The following GPI variants were observed in gnomAD, a reference collection of about 807,000 sequenced individuals.
GPI encodes the protein glucose-6-phosphate isomerase.
In GPI, 56 loss-of-function variants were observed where a neutral mutation model predicts 75.8. The ratio of observed to expected loss-of-function variants is 0.74; its 90% CI spans 0.60 to 0.92. The LOEUF is 0.92. Among genes scored for constraint, GPI ranks in the 40% least tolerant of loss-of-function variants. The pLI, the probability that GPI is intolerant of heterozygous loss-of-function variation, is 0.00. For synonymous variants in GPI, 288 were observed against 285.4 expected (o/e 1.01, Z -0.09); for missense variants, 638 against 741.0 (o/e 0.86, Z 1.61).
rs199888347 is a variant in GPI at position 34,379,502 on chromosome 19, G to A, written c.706-16G>A. ...TCCCTGGGCTGGCTGTGGTAACTTG[G>A]CTCTGTCTCTTGTAGCCTTCTGCAG... is the stretch of plus-strand genomic sequence containing the variant. On this transcript the variant is annotated splice_polypyrimidine_tract_variant and intron_variant, in intron 7 of 17. Transcript: ENST00000356487. 17 of 1,613,576 alleles carry A rather than the reference G, an allele frequency of 1.1e-5. No homozygotes were observed. In the African/African-American group the frequency reaches 1.9e-4, roughly 18 times the overall value.
chr19:34,364,792 G>C, upstream of GPI: 3 of 468,900 alleles, frequency 6.4e-6, no homozygotes, highest in Non-Finnish European at 1.1e-5. Context: ...TGCTTATTTG[G>C]CACATATGTA....
chr19:34,394,680 T>G (rs1386661118), intron 12 of GPI, among the ~76,000 whole-genome samples: 1 of 151,072 alleles, frequency 6.6e-6, no homozygotes, highest in Non-Finnish European at 1.5e-5. Flanking sequence ...CCTCTCCTAG[T>G]CACATTATGT....
rs1285500570 is a variant in GPI at position 34,393,979 on chromosome 19, C to G, written c.975C>G (p.Ile325Met). The G allele has an allele frequency of 6.2e-7, 1 of 1,613,514 alleles. No individual in the cohort carries two copies. The highest frequency in any genetic ancestry group is 1.3e-5 in the African/African-American group (1 of 75,046). ...CCGTCTTGCTGGCCCTGCTGGGTAT[C>G]TGGTACATCAACTGCTTTGGGTGTG... ...NAPVLLALLG[I>M]WYINCFGCET... Residue 325 changes from isoleucine (I) to methionine (M), a missense_variant, in exon 12 of 18, where the codon ATC becomes ATG. Transcript: ENST00000356487. The surrounding 1 kb of genome is among the most constrained non-coding windows in gnomAD (Gnocchi z 4.4).
intron 8 of GPI, chr19:34,379,990 G>GTTTT (rs953154032): frequency 1.5e-4 from 15 of 102,544 alleles, no homozygotes; most frequent in South Asian, 2.5e-4. Context: ...GTGTGGTTTT[G>GTTTT]TTTTTTTTTT....
chr19:34,396,701 T>A, intron 14 of GPI, 44 bp downstream of exon 14: 1 of 1,503,878 alleles, frequency 6.6e-7, no homozygotes, highest in South Asian at 1.1e-5. Flanking sequence ...CTGGCTCACA[T>A]TGCACCCAGA....
chr19:34,369,636 G>A (rs1191890803), intron 4 of GPI, among the ~76,000 whole-genome samples: 10 of 151,916 alleles, frequency 6.6e-5, no homozygotes, highest in Admixed American at 3.9e-4. Flanking sequence ...GAACCCGTGC[G>A]GCAGAGGTTG....
chr19:34,372,538 A>G (rs1188591485), intron 4 of GPI, among the ~76,000 whole-genome samples: 1 of 152,146 alleles, frequency 6.6e-6, no homozygotes, highest in Non-Finnish European at 1.5e-5. Context: ...GCTGCTTAGG[A>G]GGCTGAGGCG....
chr19:34,372,099 T>G (rs1445632627), intron 4 of GPI, among the ~76,000 whole-genome samples: 1 of 151,084 alleles, frequency 6.6e-6, no homozygotes, highest in Non-Finnish European at 1.5e-5. Flanking sequence ...CCCAGCTAAT[T>G]TTTGTATTTT....
chr19:34,379,210 G>A (rs891733963), intron 7 of GPI, among the ~76,000 whole-genome samples: 1 of 152,230 alleles, frequency 6.6e-6, no homozygotes, highest in Non-Finnish European at 1.5e-5. Flanking sequence ...ACCTGCTCTC[G>A]CTGGCTGACA....
At chr19:34,389,330 A>G (rs2074787548) in intron 9 of GPI, among the ~76,000 whole-genome samples, 1 of 152,066 alleles carries the variant, frequency 6.6e-6, no homozygotes, top group Admixed American at 6.5e-5. Context: ...GGGGCTTCAA[A>G]GTGGCTTGTT....
chr19:34,381,373 C>T (rs1318987077), intron 8 of GPI, 93 bp from the exon 9 acceptor site: 17 of 871,022 alleles, frequency 2.0e-5, no homozygotes, highest in Admixed American at 3.4e-5. Flanking sequence ...GCTCAGCTCA[C>T]GGAGCACAGC....
intron 6 of GPI, among the ~76,000 whole-genome samples, chr19:34,378,096 C>CT (rs2074577855): frequency 6.6e-6 from 1 of 152,226 alleles, no homozygotes; most frequent in Admixed American, 6.5e-5. Flanking sequence ...CAGTTTGAAC[C>CT]TTTGTGTCCT....
chr19:34,399,431 C>T lies in GPI; in HGVS notation c.1398+96C>T. The T allele has an allele frequency of 5.1e-6, 8 of 1,581,202 alleles. No homozygotes were observed. The African/African-American group carries it at 6.7e-5, about 13-fold the overall frequency. ...GGGCTTGGGGCGTGCCTGGCTTGTC[C>T]TACAGAATGGGAGGGCCTGTCCTCA... On this transcript the variant is annotated intron_variant, in intron 15 of 17. Transcript: ENST00000356487.
intron 9 of GPI, among the ~76,000 whole-genome samples, chr19:34,386,820 A>G (rs1167611283): frequency 6.6e-6 from 1 of 152,058 alleles, no homozygotes; most frequent in Non-Finnish European, 1.5e-5. Context: ...AGTTGTGCTG[A>G]CTCAGTCTTA....
chr19:34,365,821 T>C (rs1482718540), intron 1 of GPI: 2 of 470,286 alleles, frequency 4.3e-6, no homozygotes, highest in Non-Finnish European at 8.5e-6. Context: ...GGCGGGGGTG[T>C]TTGAGGGAGC....
In GPI at chr19:34,393,653, G is replaced by A. The variant is rs1167821847; in HGVS notation, c.866-75G>A. 7 of 1,395,592 alleles carry A rather than the reference G, an allele frequency of 5.0e-6. No homozygotes were observed. The highest frequency in any genetic ancestry group is 1.4e-5 in the African/African-American group (1 of 70,726). 86.5% of individuals were successfully genotyped at this position (1,395,592 alleles called of 1,614,324 possible). A position where few individuals can be genotyped will look rare whatever the true frequency, so the allele number is the denominator to read the frequency against. On this transcript the variant is annotated intron_variant, in intron 10 of 17. Transcript: ENST00000356487. This position sits in a 1 kb window ranked among gnomAD's most constrained non-coding sequence, Gnocchi z 4.4. The stretch of plus-strand genomic sequence containing the variant: ...GCTCTCCATGCAGCCTTCCTTCGTT[G>A]CAGAAGGAGCTGTGCCCACTGCCCA...
intron 9 of GPI, 136 bp downstream of exon 9, chr19:34,381,655 C>T: frequency 1.3e-6 from 1 of 775,528 alleles, no homozygotes; most frequent in Non-Finnish European, 2.4e-6. Context: ...TAGAGAGGCC[C>T]TCAGAGAGGC....
chr19:34,377,045 G>C (rs1005628272), intron 4 of GPI, among the ~76,000 whole-genome samples: 3 of 151,758 alleles, frequency 2.0e-5, no homozygotes, highest in Admixed American at 6.6e-5. Flanking sequence ...GCTCAAGCCA[G>C]TAATCCCAGC....
At chr19:34,368,182 G>A (rs2074394433) in intron 3 of GPI, among the ~76,000 whole-genome samples, 1 of 152,232 alleles carries the variant, frequency 6.6e-6, no homozygotes, top group Non-Finnish European at 1.5e-5. Flanking sequence ...TGGCCTCCCA[G>A]AGTTCCGGGA....
Sources: gnomAD v4.1 joint callset for allele counts (sites outside exome capture counted in the v4.1 genomes callset) on GRCh38, gnomAD v4.1.1 for gene constraint, Gnocchi (gnomAD v3.1) non-coding constraint, MANE v1.5 for transcripts, NCBI Gene and HGNC (gene_info 2026-07-23, HGNC 2026-07-21) for gene names.